The following MMP24 variants were observed in gnomAD, a reference collection of about 807,000 sequenced individuals.
The protein encoded by MMP24 is matrix metalloproteinase-24.
A neutral mutation model predicts 62.8 loss-of-function variants in MMP24; 25 were observed. That is an observed-to-expected ratio of 0.40 (90% confidence interval 0.29 to 0.56). The LOEUF (loss-of-function observed/expected upper bound fraction) is 0.56, where lower values mean the gene tolerates loss of function less well. MMP24 is among the 20% of genes least tolerant of loss of function. MMP24 has a pLI of 0.50. For synonymous variants in MMP24, 319 were observed against 350.5 expected (o/e 0.91, Z 1.00); for missense variants, 634 against 853.6 (o/e 0.74, Z 3.21).
At chr20:35,265,776 A>T (rs1464036706) in intron 5 of MMP24, among the ~76,000 whole-genome samples, 5 of 152,068 alleles carry the variant, frequency 3.3e-5, no homozygotes, top group Non-Finnish European at 7.4e-5. Context: ...GGTCTCAGTC[A>T]CACTAAGAAC....
In MMP24 at chr20:35,271,530, TG is replaced by T; in HGVS notation, c.1334-38del. On this transcript the variant is annotated intron_variant, in intron 7 of 8. Coordinates refer to ENST00000246186, the MANE Select transcript of MMP24 (RefSeq NM_006690.4). This position sits in a 1 kb window ranked among gnomAD's most constrained non-coding sequence, Gnocchi z 4.0. ...CTGAAGATGGGCAAACGGCACTGAG[TG>T]ACTGGGGAAGCTGATCCTGGGCTCC... 6.3e-7 allele frequency: 1 copy of T among 1,594,782 alleles called. No individual in the cohort carries two copies. Among genetic ancestry groups the T allele is most frequent in the Non-Finnish European group, 8.6e-7 (1 of 1,168,970 alleles).
intron 2 of MMP24, among the ~76,000 whole-genome samples, chr20:35,249,179 G>A (rs1432012674): frequency 6.6e-6 from 1 of 152,172 alleles, no homozygotes; most frequent in Non-Finnish European, 1.5e-5. Flanking sequence ...TGCAGCTCCA[G>A]CTCTGTGACC....
intron 1 of MMP24, among the ~76,000 whole-genome samples, chr20:35,241,512 C>A (rs2060488302): frequency 1.3e-5 from 2 of 151,706 alleles, no homozygotes; most frequent in Middle Eastern, 3.4e-3. Flanking sequence ...GGCCCACCCC[C>A]ACCATGTGTC....
chr20:35,259,271 G>A (rs928620101), intron 4 of MMP24, among the ~76,000 whole-genome samples: 5 of 152,194 alleles, frequency 3.3e-5, no homozygotes, highest in Admixed American at 1.3e-4. Flanking sequence ...CCAGGACTCC[G>A]CATTTTTAAG....
intron 8 of MMP24, chr20:35,272,292 G>A (rs1473956453): frequency 1.2e-5 from 5 of 412,740 alleles, no homozygotes; most frequent in African/African-American, 2.0e-5. Context: ...CTGGAATGCT[G>A]TGGCATGATC....
intron 2 of MMP24, among the ~76,000 whole-genome samples, chr20:35,247,837 A>C (rs1359786937): frequency 6.6e-6 from 1 of 152,198 alleles, no homozygotes; most frequent in Non-Finnish European, 1.5e-5. Context: ...GTGGAGATGA[A>C]GTCAGACTGA....
At chr20:35,264,001 T>C (rs1270433847) in intron 5 of MMP24, 49 bp downstream of exon 5, 2 of 1,529,472 alleles carry the variant, frequency 1.3e-6, no homozygotes, top group Admixed American at 2.0e-5. Context: ...GGCTGGGCTG[T>C]GACTGCCTAC....
chr20:35,228,134 C>T (rs568004071), intron 1 of MMP24, among the ~76,000 whole-genome samples: 2 of 152,266 alleles, frequency 1.3e-5, no homozygotes, highest in African/African-American at 4.8e-5. Context: ...AAGAATCTGC[C>T]TCAAGAGATA....
chr20:35,242,515 C>T (rs2060493484), intron 1 of MMP24, among the ~76,000 whole-genome samples: 1 of 151,944 alleles, frequency 6.6e-6, no homozygotes, highest in Non-Finnish European at 1.5e-5. Context: ...GGGAGAAAGA[C>T]AAAAAGGGAA....
At chr20:35,259,425 C>G (rs1417129771) in intron 4 of MMP24, among the ~76,000 whole-genome samples, 2 of 152,060 alleles carry the variant, frequency 1.3e-5, no homozygotes, top group Non-Finnish European at 2.9e-5. Flanking sequence ...CCTGGGGCAG[C>G]GAGCATGTGC....
At chr20:35,261,781 C>T (rs2060604068) in intron 4 of MMP24, among the ~76,000 whole-genome samples, 1 of 151,226 alleles carries the variant, frequency 6.6e-6, no homozygotes, top group East Asian at 1.9e-4. Context: ...TCCCTCCCTC[C>T]ACCTCAGGGC....
At chr20:35,246,467 C>T (rs1464141867) in intron 1 of MMP24, among the ~76,000 whole-genome samples, 2 of 152,132 alleles carry the variant, frequency 1.3e-5, no homozygotes, top group African/African-American at 4.8e-5. Context: ...CAAAGCTGGA[C>T]TCCGTCTCAA....
Position 35,274,142 on chromosome 20 carries a change from T to C in MMP24, c.1601-130T>C. The C allele has an allele frequency of 2.3e-6, 2 of 879,676 alleles. No homozygotes were observed. Among genetic ancestry groups the C allele is most frequent in the South Asian group, 3.3e-5 (2 of 60,058 alleles). The allele number at this position is 879,676 out of a possible 1,614,324, so 54.5% of individuals were successfully genotyped here. On this transcript the variant is annotated intron_variant, in intron 8 of 8. Transcript: ENST00000246186. The surrounding 1 kb of genome is among the most constrained non-coding windows in gnomAD (Gnocchi z 5.1). Reference sequence around the variant, plus strand: ...CTTACTCCATGACTCAGCCAAGCACTGCACCCCAAACCTCCAGGTGTGCCC... The same window carrying C: ...CTTACTCCATGACTCAGCCAAGCACCGCACCCCAAACCTCCAGGTGTGCCC...
intron 6 of MMP24, chr20:35,267,843 C>G (rs1390198616): frequency 4.6e-6 from 1 of 216,722 alleles, no homozygotes; most frequent in Admixed American, 5.4e-5. Flanking sequence ...TGACTCCAGA[C>G]CCTACCAAGG....
chr20:35,262,384 G>C (rs1325351942), intron 4 of MMP24, among the ~76,000 whole-genome samples: 1 of 151,818 alleles, frequency 6.6e-6, no homozygotes, highest in African/African-American at 2.4e-5. Flanking sequence ...ACAAACACGT[G>C]AACAAAGGTC....
intron 4 of MMP24, 109 bp from the exon 5 acceptor site, chr20:35,263,682 C>T (rs766506010): frequency 1.5e-5 from 14 of 930,852 alleles, no homozygotes; most frequent in Middle Eastern, 3.5e-4. Context: ...GTGTCCAGCA[C>T]GGGGCCTGGC....
At chr20:35,236,790 A>G (rs2060465379) in intron 1 of MMP24, among the ~76,000 whole-genome samples, 1 of 152,098 alleles carries the variant, frequency 6.6e-6, no homozygotes, top group Non-Finnish European at 1.5e-5. Flanking sequence ...CCTGACTAAC[A>G]TGGTGAAACC....
chr20:35,246,653 A>G (rs1032258007), intron 1 of MMP24, among the ~76,000 whole-genome samples, 187 bp from the exon 2 acceptor site: 2 of 152,214 alleles, frequency 1.3e-5, no homozygotes, highest in Non-Finnish European at 2.9e-5. Context: ...GGGGACACCA[A>G]TAAAAGCTGC....
intron 4 of MMP24, among the ~76,000 whole-genome samples, chr20:35,261,140 C>T (rs992511828): frequency 1.3e-5 from 2 of 152,286 alleles, no homozygotes; most frequent in Admixed American, 6.5e-5. Context: ...GACTCCCTAC[C>T]CCCTGCATTT....
Sources: allele counts gnomAD v4.1 joint callset (sites outside exome capture counted in the v4.1 genomes callset), GRCh38; gene constraint gnomAD v4.1.1; non-coding constraint Gnocchi (gnomAD v3.1); transcripts MANE v1.5; gene names NCBI Gene and HGNC (gene_info 2026-07-23, HGNC 2026-07-21).